Variants in FRMD6 observed in about 807,000 individuals in gnomAD.
The protein encoded by FRMD6 is FERM domain-containing protein 6.
In FRMD6, 37 loss-of-function variants were observed where a neutral mutation model predicts 73.2. The observed-to-expected ratio is 0.51, with a 90% CI of 0.39 to 0.66. FRMD6 has a LOEUF of 0.66. Ranked by LOEUF, FRMD6 falls within the 30% of genes least tolerant of loss-of-function variation. FRMD6 has a pLI of 0.00. For missense variants in FRMD6, 714 were observed against 780.5 expected (o/e 0.91, Z 1.02); for synonymous variants, 273 against 282.2 (o/e 0.97, Z 0.33).
chr14:51,588,182 TC>T lies in FRMD6; in HGVS notation c.-147+17779del, dbSNP rs544535893. On this transcript the variant is annotated intron_variant, in intron 2 of 14. Transcript: ENST00000356218. ...TTTTCTCCTAATACAAAAAAGCATTTCCCCCCCTCCCAAACCTGCAAATGAC... is the reference window on the plus strand; with the variant it reads ...TTTTCTCCTAATACAAAAAAGCATTTCCCCCCTCCCAAACCTGCAAATGAC... Among the ~76,000 whole-genome samples the T allele has an allele frequency of 3.3e-5, 5 of 152,158 alleles. No homozygotes were observed. In the South Asian group the frequency reaches 6.2e-4, roughly 19 times the overall value.
At chr14:51,429,106 T>C in the FRMD6 span, among the ~76,000 whole-genome samples, 1 of 152,026 alleles carries the variant, frequency 6.6e-6, no homozygotes, top group Non-Finnish European at 1.5e-5. Context: ...TTCCCATTTG[T>C]TCCTATCAAG....
At chr14:51,677,953 G>T (rs1039444724) in intron 1 of FRMD6, among the ~76,000 whole-genome samples, 12 of 152,096 alleles carry the variant, frequency 7.9e-5, no homozygotes, top group Non-Finnish European at 1.5e-4. Flanking sequence ...GGAGAAACTA[G>T]GTTCTGTGTA....
intron 1 of FRMD6, among the ~76,000 whole-genome samples, chr14:51,545,654 T>C (rs1566804943): frequency 6.6e-6 from 1 of 152,080 alleles, no homozygotes; most frequent in Non-Finnish European, 1.5e-5. Flanking sequence ...AATGAGTTAG[T>C]TTATGTAAAG....
the FRMD6 span, among the ~76,000 whole-genome samples, chr14:51,414,456 A>G: frequency 1.3e-5 from 2 of 152,150 alleles, no homozygotes; most frequent in African/African-American, 4.8e-5. Context: ...CAAAGATCAG[A>G]TGGTTGTAGA....
chr14:51,580,666 T>C (rs1888670654), intron 2 of FRMD6, among the ~76,000 whole-genome samples: 1 of 152,178 alleles, frequency 6.6e-6, no homozygotes, highest in African/African-American at 2.4e-5. Flanking sequence ...CACAATGTTT[T>C]CTGTAATATA....
At chr14:51,651,485 G>C (rs898111415), upstream of FRMD6, 2 of 152,134 alleles carry the variant, frequency 1.3e-5, no homozygotes, top group African/African-American at 4.8e-5. Context: ...GAGTCCAGCC[G>C]GAGGCGGAGA....
the FRMD6 span, among the ~76,000 whole-genome samples, chr14:51,402,143 A>G: frequency 6.6e-6 from 1 of 152,250 alleles, no homozygotes; most frequent in Non-Finnish European, 1.5e-5. Context: ...TTCTGTTCAT[A>G]TAAAAAGGCT....
At chr14:51,673,497 C>T (rs1440417058) in intron 1 of FRMD6, among the ~76,000 whole-genome samples, 1 of 152,094 alleles carries the variant, frequency 6.6e-6, no homozygotes, top group African/African-American at 2.4e-5. Context: ...AAAACTGCCT[C>T]CAGTCATTAA....
intron 1 of FRMD6, among the ~76,000 whole-genome samples, chr14:51,661,631 G>A (rs1893224789): frequency 6.6e-6 from 1 of 152,150 alleles, no homozygotes; most frequent in African/African-American, 2.4e-5. Context: ...AATATCTCCA[G>A]CAGAAGAGTG....
At chr14:51,460,488 C>T in the FRMD6 span, among the ~76,000 whole-genome samples, 2 of 152,136 alleles carry the variant, frequency 1.3e-5, no homozygotes, top group Non-Finnish European at 2.9e-5. Context: ...TCCCTCTGTG[C>T]ATAAGTAATG....
the FRMD6 span, among the ~76,000 whole-genome samples, chr14:51,434,436 G>T: frequency 1.3e-5 from 2 of 152,166 alleles, no homozygotes; most frequent in African/African-American, 4.8e-5. Flanking sequence ...CTCAAAAACT[G>T]ATGGGGACAT....
intron 2 of FRMD6, 127 bp downstream of exon 2, chr14:51,690,062 T>G (rs1241128946): frequency 4.2e-6 from 3 of 710,118 alleles, no homozygotes; most frequent in Non-Finnish European, 5.1e-6. Flanking sequence ...CAGAATTGGG[T>G]TGTCAAATAG....
At chr14:51,403,211 T>C in the FRMD6 span, among the ~76,000 whole-genome samples, 1 of 152,356 alleles carries the variant, frequency 6.6e-6, no homozygotes, top group Middle Eastern at 3.4e-3. Flanking sequence ...TTAAGTCCTC[T>C]GTAGGACTCT....
chr14:51,638,800 T>G (rs1230179026), intron 2 of FRMD6, among the ~76,000 whole-genome samples: 1 of 152,208 alleles, frequency 6.6e-6, no homozygotes, highest in Non-Finnish European at 1.5e-5. Context: ...AGAGGTGTCA[T>G]CCAACACTGC....
At chr14:51,483,493 G>A in the FRMD6 span, among the ~76,000 whole-genome samples, 6 of 152,236 alleles carry the variant, frequency 3.9e-5, no homozygotes, top group Non-Finnish European at 8.8e-5. Flanking sequence ...GGCATTCCAG[G>A]CATGGGGAAC....
chr14:51,426,614 T>C, the FRMD6 span, among the ~76,000 whole-genome samples: 1 of 152,220 alleles, frequency 6.6e-6, no homozygotes, highest in African/African-American at 2.4e-5. Flanking sequence ...ACACAAGTAA[T>C]GTATAACCTT....
chr14:51,649,120 C>T (rs1237733320), upstream of FRMD6, among the ~76,000 whole-genome samples: 4 of 152,166 alleles, frequency 2.6e-5, no homozygotes, highest in African/African-American at 9.7e-5. Context: ...CCTTTCTCAG[C>T]TCCCCTTCCA....
the FRMD6 span, among the ~76,000 whole-genome samples, chr14:51,441,876 C>T: frequency 6.6e-6 from 1 of 152,172 alleles, no homozygotes; most frequent in African/African-American, 2.4e-5. Context: ...ATTAAATGTG[C>T]TTGAAAATTA....
intron 1 of FRMD6, among the ~76,000 whole-genome samples, chr14:51,515,645 A>G (rs1048624903): frequency 2.0e-5 from 3 of 152,198 alleles, no homozygotes; most frequent in African/African-American, 7.2e-5. Flanking sequence ...AGTGACCAGC[A>G]GTAGCCAGGA....
Sources: allele counts gnomAD v4.1 joint callset (sites outside exome capture counted in the v4.1 genomes callset), GRCh38; gene constraint gnomAD v4.1.1; transcripts MANE v1.5; gene names NCBI Gene and HGNC (gene_info 2026-07-23, HGNC 2026-07-21).